RHOT2: variants seen among roughly 807,000 people sequenced by gnomAD.
The protein encoded by RHOT2 is mitochondrial Rho GTPase 2.
RHOT2 carries 90 observed loss-of-function variants against 81.6 expected under a neutral mutation model. That is an observed-to-expected ratio of 1.10 (90% CI 0.93 to 1.31). RHOT2 has a LOEUF of 1.31. RHOT2 is among the 40% of genes most tolerant of loss of function. The pLI is 0.00. For synonymous variants in RHOT2, 512 were observed against 370.9 expected, an observed-to-expected ratio of 1.38 and a Z score of -4.37; for missense variants, 1,014 against 841.9, an observed-to-expected ratio of 1.20 and a Z score of -2.53.
chr16:671,889 G>T lies in RHOT2; in HGVS notation c.984G>T (p.Glu328Asp), dbSNP rs1478244897. Residue 328 changes from glutamate to aspartate, a missense_variant, in exon 13 of 19, where the codon GAG becomes GAT. Physicochemically the swap from Glu to Asp is conservative, Grantham distance 45 (BLOSUM62 2). Transcript: ENST00000315082. Reference protein sequence around the residue: ...QDRDGALSPVELQSLFSVFPA... With the variant: ...QDRDGALSPVDLQSLFSVFPA... Reference sequence around the variant, plus strand: ...GCGACGGCGCCCTCTCGCCCGTGGAGCTGCAAAGCCTTTTCAGTGTGTTCC... The same window carrying T: ...GCGACGGCGCCCTCTCGCCCGTGGATCTGCAAAGCCTTTTCAGTGTGTTCC... The T allele has an allele frequency of 1.3e-6, 2 of 1,527,734 alleles. No individual in the cohort carries two copies. Among genetic ancestry groups the T allele is most frequent in the African/African-American group, 1.5e-5 (1 of 67,166 alleles). The allele number at this position is 1,527,734 out of a possible 1,614,324, so 94.6% of individuals were successfully genotyped here.
chr16:669,294 C>T, intron 4 of RHOT2: 2 of 568,138 alleles, frequency 3.5e-6, no homozygotes, highest in Non-Finnish European at 6.3e-6. Flanking sequence ...GGTGTCCCTG[C>T]ACTGGCAGTG....
In RHOT2 at chr16:672,910, AC is replaced by A. The variant is rs752952029; in HGVS notation, c.1528-16del. The A allele has an allele frequency of 5.6e-6, 9 of 1,612,460 alleles. No individual in the cohort carries two copies. The highest frequency in any genetic ancestry group is 7.6e-6 in the Non-Finnish European group (9 of 1,179,926). On this transcript the variant is annotated splice_polypyrimidine_tract_variant and intron_variant, in intron 17 of 18. Transcript: ENST00000315082. ...CGGCCACCCCAGGACTGTACCTCAT[AC>A]CACTCTCTGCCCACAGCACCATTAC...
chr16:671,515 G>C (rs1364915989), intron 11 of RHOT2, among the ~76,000 whole-genome samples, 182 bp from the exon 12 acceptor site: 1 of 152,170 alleles, frequency 6.6e-6, no homozygotes, highest in African/African-American at 2.4e-5. Context: ...GGCCTCCCAC[G>C]TGCTGGAGCC....
Position 671,827 on chromosome 16 carries a change from G to A in RHOT2, c.955-33G>A, listed in dbSNP as rs371583302. The A allele has an allele frequency of 5.6e-4, 190 of 340,320 alleles. 4 individuals are homozygous for A. Among genetic ancestry groups the A allele is most frequent in the South Asian group, 4.0e-3 (153 of 38,192 alleles). 21.1% of individuals were successfully genotyped at this position (340,320 alleles called of 1,614,324 possible). A position where few individuals can be genotyped will look rare whatever the true frequency, so the allele number is the denominator to read the frequency against. ...CTGCCCCTGCCCCCGCCCCCTCCCC[G>A]GCACACACATCACCACATCCCTCCT... On this transcript the variant is annotated intron_variant, in intron 12 of 18. Transcript: ENST00000315082.
At position 670,341 on chromosome 16, in the gene RHOT2, T is replaced by C. The variant is rs994172131; in HGVS notation, c.422T>C (p.Ile141Thr). The change falls in exon 7 of 19, where the codon ATT becomes ACT. Residue 141 changes from isoleucine to threonine, a missense_variant. Physicochemically the swap from Ile to Thr is moderately conservative, Grantham distance 89. Transcript: ENST00000315082. ...VLPIMSQFPE[I>T]ETCVECSAKN... is the part of the protein sequence containing the mutation. ...CCCATCATGAGCCAGTTTCCCGAGA[T>C]TGAGACCTGCGTGGAGGTGAGTAGG... 24 of 1,612,604 alleles carry C rather than the reference T, an allele frequency of 1.5e-5. No homozygotes were observed. The Admixed American group carries it at 2.8e-4, about 19-fold the overall frequency.
rs1236218588 is a variant in RHOT2, at chr16:671,970, G to T, written c.1065G>T (p.Arg355=). Residue 355 remains arginine (R), a synonymous_variant, in exon 13 of 19, where the codon CGG becomes CGT. Coordinates refer to ENST00000315082, the MANE Select transcript of RHOT2 (RefSeq NM_138769.3). ...GCACAGTCCGCACAGAGGCCGGCCG[G>T]TTGCCCCTGCACGGATACCTCTGCC... ...LPRTVRTEAG[R]LPLHGYLCQW... is the part of the protein sequence containing the mutation. 1.4e-5 allele frequency: 22 copies of T among 1,612,112 alleles called. No individual in the cohort carries two copies. Among genetic ancestry groups the T allele is most frequent in the East Asian group, 6.7e-5 (3 of 44,888 alleles).
At chr16:670,431 C>T (rs748332562) in intron 7 of RHOT2, 25 bp from the exon 8 acceptor site, 32 of 1,606,696 alleles carry the variant, frequency 2.0e-5, no homozygotes, top group Non-Finnish European at 2.6e-5. Flanking sequence ...GGGGCACTTC[C>T]CTGAGGCTGT....
At chr16:671,356 C>A in intron 11 of RHOT2, 153 bp downstream of exon 11, 1 of 1,141,122 alleles carries the variant, frequency 8.8e-7, no homozygotes, top group Non-Finnish European at 1.2e-6. Context: ...TGGGGTCGTG[C>A]CCTTGCCTGG....
chr16:668,902 A>C, intron 4 of RHOT2: 1 of 547,242 alleles, frequency 1.8e-6, no homozygotes, highest in Non-Finnish European at 3.1e-6. Flanking sequence ...TCCAGGGATA[A>C]CAGGACCCTT....
chr16:670,127 G>A lies in RHOT2; in HGVS notation c.281G>A (p.Arg94Gln), dbSNP rs576916494. 5.1e-6 allele frequency: 8 copies of A among 1,568,816 alleles called. No homozygotes were observed. The East Asian group carries it at 1.4e-4, about 27-fold the overall frequency. ...VSEEATIEKI[R>Q]TKWIPLVNGG... The stretch of plus-strand genomic sequence containing the variant: ...CAGCCAGGCTTTGCTTTTCAGATTC[G>A]AACTAAGTGGATCCCACTGGTGAAT... Residue 94 changes from arginine (R) to glutamine (Q), a missense_variant, in exon 6 of 19, where the codon CGA (arginine) becomes CAA (glutamine). Transcript: ENST00000315082.
Position 668,175 on chromosome 16 carries a change from C to G in RHOT2, c.-25C>G. The G allele has an allele frequency of 2.2e-6, 1 of 456,870 alleles. No individual in the cohort carries two copies. Among genetic ancestry groups the G allele is most frequent in the East Asian group, 3.3e-5 (1 of 30,432 alleles). 28.3% of individuals were successfully genotyped at this position (456,870 alleles called of 1,614,324 possible). ...ACCAGGTCGGGGCCGGGTTCCGGGT[C>G]GGGGAGCGGCTCCGGGCGGCAGCTA... On this transcript the variant is annotated 5_prime_UTR_variant, in exon 1 of 19. Transcript: ENST00000315082.
At chr16:671,406 CG>C (rs1376175444) in intron 11 of RHOT2, 29 of 181,900 alleles carry the variant, frequency 1.6e-4, no homozygotes, top group East Asian at 6.1e-4. Flanking sequence ...AGCTCTGAGT[CG>C]GGGGGTGGGG....
In RHOT2 at chr16:671,029, G is replaced by A. The variant is rs755205750; in HGVS notation, c.748+29G>A. 2.5e-6 allele frequency: 4 copies of A among 1,605,920 alleles called. No homozygotes were observed. In the African/African-American group the frequency reaches 4.0e-5, roughly 16 times the overall value. The stretch of plus-strand genomic sequence containing the variant: ...AGGCCGGGTGCCCGCCTGTGCCTGG[G>A]GAGTGTGGGGAGGGGGCTGTGCCTG... On this transcript the variant is annotated intron_variant, in intron 10 of 18. Transcript: ENST00000315082.
chr16:672,572 T>G lies in RHOT2; in HGVS notation c.1404+6T>G. ...GACAGGAGAAGTACTTGATCGTGAG[T>G]GCTGGGGCGGCGCGGCCTGTGCCCG... On this transcript the variant is annotated splice_donor_region_variant and intron_variant, in intron 16 of 18. Coordinates refer to ENST00000315082, the MANE Select transcript of RHOT2 (RefSeq NM_138769.3). The G allele has an allele frequency of 6.2e-7, 1 of 1,612,322 alleles. No homozygotes were observed. The highest frequency in any genetic ancestry group is 8.5e-7 in the Non-Finnish European group (1 of 1,179,740).
chr16:668,670 G>A lies in RHOT2; in HGVS notation c.193G>A (p.Asp65Asn). 1 of 1,605,496 alleles carries A rather than the reference G, an allele frequency of 6.2e-7. No individual in the cohort carries two copies. Among genetic ancestry groups the A allele is most frequent in the Non-Finnish European group, 8.5e-7 (1 of 1,177,060 alleles). Residue 65 changes from aspartate to asparagine, a missense_variant, in exon 4 of 19, where the codon GAC becomes AAC. By Grantham distance (23) the Asp-to-Asn change is conservative. Coordinates refer to ENST00000315082, the MANE Select transcript of RHOT2 (RefSeq NM_138769.3). Reference sequence around the variant, plus strand: ...TGTCCCCCTAGAAGCCGAGCAGACGGACGAGGAGCTGCGGGAGGAGATCCA... The same window carrying A: ...TGTCCCCCTAGAAGCCGAGCAGACGAACGAGGAGCTGCGGGAGGAGATCCA... Reference protein sequence around the residue: ...IVDYSEAEQTDEELREEIHKA... With the variant: ...IVDYSEAEQTNEELREEIHKA...
intron 4 of RHOT2, chr16:668,943 G>T (rs1325359732): frequency 1.1e-5 from 6 of 532,622 alleles, no homozygotes; most frequent in African/African-American, 1.0e-4. Flanking sequence ...TCCTGCCGGG[G>T]TGGCAGCAGC....
chr16:673,814 C>T lies in RHOT2; in HGVS notation c.*208C>T. ...GCTCCTGCCGGACCCCCAGGGTGGG[C>T]CGTGGCAGGTGGCTGAGCAGGAGCT... is the stretch of plus-strand genomic sequence containing the variant. On this transcript the variant is annotated 3_prime_UTR_variant, in exon 19 of 19. Transcript: ENST00000315082. 2.9e-6 allele frequency: 2 copies of T among 688,162 alleles called. No homozygotes were observed. Among genetic ancestry groups the T allele is most frequent in the Non-Finnish European group, 4.8e-6 (2 of 414,428 alleles). The allele number at this position is 688,162 out of a possible 1,614,324, so 42.6% of individuals were successfully genotyped here. A position where few individuals can be genotyped will look rare whatever the true frequency, so the allele number is the denominator to read the frequency against.
At chr16:670,637 G>T in intron 8 of RHOT2, 38 bp from the exon 9 acceptor site, 1 of 1,607,134 alleles carries the variant, frequency 6.2e-7, no homozygotes, top group South Asian at 1.1e-5. Flanking sequence ...GCAGGTCGGC[G>T]TGGGTCACCT....
At position 670,821 on chromosome 16, in the gene RHOT2, T is replaced by A. The variant is rs1399506305; in HGVS notation, c.639+48T>A. 1.9e-6 allele frequency: 3 copies of A among 1,602,960 alleles called. No individual in the cohort carries two copies. In the South Asian group the frequency reaches 3.3e-5, roughly 18 times the overall value. On this transcript the variant is annotated intron_variant, in intron 9 of 18. Transcript: ENST00000315082. ...GTGCCCAGCCCCCTTGAACCTCCGCTGCCGTTAGTGACTGGAACGGGTCGT... is the reference window on the plus strand; with the variant it reads ...GTGCCCAGCCCCCTTGAACCTCCGCAGCCGTTAGTGACTGGAACGGGTCGT...
Sources: allele counts gnomAD v4.1 joint callset (sites outside exome capture counted in the v4.1 genomes callset), GRCh38; gene constraint gnomAD v4.1.1; transcripts MANE v1.5; gene names NCBI Gene and HGNC (gene_info 2026-07-23, HGNC 2026-07-21).